Variants in CCSER1 observed in about 807,000 individuals in gnomAD.
CCSER1 encodes the protein coiled-coil serine rich protein 1, also known as serine-rich coiled-coil domain-containing protein 1.
A neutral mutation model predicts 82.0 loss-of-function variants in CCSER1; 41 were observed. The observed-to-expected ratio is 0.50, with a 90% confidence interval of 0.39 to 0.65. The LOEUF (loss-of-function observed/expected upper bound fraction) is 0.65. CCSER1 is among the 30% of genes least tolerant of loss of function. The pLI is 0.00. For synonymous variants in CCSER1, 414 were observed against 383.9 expected (o/e 1.08, Z -0.92); for missense variants, 1,119 against 1,064.2 (o/e 1.05, Z -0.72).
intron 6 of CCSER1, among the ~76,000 whole-genome samples, chr4:90,713,730 G>C (rs372364978): frequency 6.6e-6 from 1 of 151,800 alleles, no homozygotes; most frequent in East Asian, 1.9e-4. Context: ...TGATATCCTG[G>C]AGTATGTTTT....
chr4:91,416,351 AC>A (rs1355763956), intron 10 of CCSER1, among the ~76,000 whole-genome samples: 1 of 152,076 alleles, frequency 6.6e-6, no homozygotes, highest in East Asian at 1.9e-4. Context: ...GAAAAAAAAA[AC>A]TATTTTAAAA....
intron 1 of CCSER1, among the ~76,000 whole-genome samples, chr4:90,246,863 G>GT (rs985556746): frequency 6.6e-5 from 10 of 151,002 alleles, no homozygotes; most frequent in Admixed American, 2.6e-4. Flanking sequence ...TCACTATAGG[G>GT]TTTTTTTTTC....
chr4:90,958,891 T>C (rs1228101673), intron 9 of CCSER1, among the ~76,000 whole-genome samples: 1 of 152,184 alleles, frequency 6.6e-6, no homozygotes, highest in Non-Finnish European at 1.5e-5. Flanking sequence ...ACCATCCTTC[T>C]TCTGTCTCTA....
chr4:91,124,429 C>T (rs1195274690), intron 10 of CCSER1, among the ~76,000 whole-genome samples: 1 of 151,528 alleles, frequency 6.6e-6, no homozygotes, highest in Non-Finnish European at 1.5e-5. Flanking sequence ...TTATTTTTTT[C>T]CCAAAGTGTA....
intron 10 of CCSER1, among the ~76,000 whole-genome samples, chr4:91,403,660 T>C (rs1752488245): frequency 6.6e-6 from 1 of 152,056 alleles, no homozygotes; most frequent in African/African-American, 2.4e-5. Flanking sequence ...AATCATGTGG[T>C]TTTTGTCTTT....
intron 10 of CCSER1, among the ~76,000 whole-genome samples, chr4:91,289,275 A>G (rs927349819): frequency 1.3e-5 from 2 of 152,036 alleles, no homozygotes; most frequent in Non-Finnish European, 2.9e-5. Context: ...ATTAAAGTCT[A>G]TAATGTCCTA....
chr4:90,408,870 G>A (rs1754190819), intron 4 of CCSER1, among the ~76,000 whole-genome samples: 1 of 152,114 alleles, frequency 6.6e-6, no homozygotes, highest in African/African-American at 2.4e-5. Context: ...TGGCAAAGAA[G>A]TTAAAAACTG....
chr4:91,434,197 G>GTT (rs111695937), intron 10 of CCSER1, among the ~76,000 whole-genome samples: 2 of 148,488 alleles, frequency 1.3e-5, no homozygotes, highest in Admixed American at 6.8e-5. Flanking sequence ...CTTTTTGTTT[G>GTT]TTTTTTTTTT....
At chr4:91,381,722 T>C (rs1484059204) in intron 10 of CCSER1, among the ~76,000 whole-genome samples, 1 of 152,202 alleles carries the variant, frequency 6.6e-6, no homozygotes, top group Non-Finnish European at 1.5e-5. Flanking sequence ...TTTGATTGTC[T>C]GAAGCCTTCT....
At chr4:91,525,139 A>G (rs1047425204) in intron 10 of CCSER1, among the ~76,000 whole-genome samples, 3 of 152,122 alleles carry the variant, frequency 2.0e-5, no homozygotes, top group Non-Finnish European at 4.4e-5. Context: ...TTCCAGGTTT[A>G]AGATAGTTGA....
At chr4:90,468,500 A>G in intron 5 of CCSER1, 146 bp downstream of exon 5, 1 of 627,746 alleles carries the variant, frequency 1.6e-6, no homozygotes, top group Non-Finnish European at 2.5e-6. Context: ...ATTCTATATT[A>G]TCTTAATGAA....
chr4:90,753,555 C>T (rs1397352974), intron 7 of CCSER1, among the ~76,000 whole-genome samples: 1 of 152,006 alleles, frequency 6.6e-6, no homozygotes, highest in East Asian at 1.9e-4. Flanking sequence ...TAAATATATT[C>T]CAAATCTGTC....
rs1217600815 is a variant in CCSER1 at position 90,840,189 on chromosome 4, T to G, written c.2094+24344T>G. 5.3e-5 allele frequency among the ~76,000 whole-genome samples: 8 copies of G among 152,224 alleles called. No homozygotes were observed. In the South Asian group the frequency reaches 1.7e-3, roughly 32 times the overall value. On this transcript the variant is annotated intron_variant, in intron 8 of 10. Transcript: ENST00000509176. ...TAAATAAGAGAATCCTTTATTTTAG[T>G]AGAGAGAAAAATTTTAAATAGTTCT... is the stretch of plus-strand genomic sequence containing the variant.
chr4:90,142,659 T>G (rs1241295634), intron 1 of CCSER1, among the ~76,000 whole-genome samples: 1 of 152,088 alleles, frequency 6.6e-6, no homozygotes, highest in Non-Finnish European at 1.5e-5. Context: ...AAGCCACAAT[T>G]TTAGCTTTGA....
intron 3 of CCSER1, among the ~76,000 whole-genome samples, chr4:90,356,351 T>G (rs1488831286): frequency 2.0e-5 from 3 of 151,846 alleles, no homozygotes; most frequent in African/African-American, 7.2e-5. Context: ...TTGCAATATA[T>G]GTAGTTATTT....
At chr4:90,179,831 T>C (rs1322492304) in intron 1 of CCSER1, among the ~76,000 whole-genome samples, 1 of 151,722 alleles carries the variant, frequency 6.6e-6, no homozygotes, top group Non-Finnish European at 1.5e-5. Context: ...TTCTAGCTGG[T>C]GTAATTACAA....
At chr4:90,864,332 G>A (rs1765474485) in intron 8 of CCSER1, among the ~76,000 whole-genome samples, 1 of 151,922 alleles carries the variant, frequency 6.6e-6, no homozygotes, top group Non-Finnish European at 1.5e-5. Flanking sequence ...TTCATGTGTT[G>A]GAAACAACCT....
At chr4:91,574,734 G>A (rs562965479) in intron 10 of CCSER1, among the ~76,000 whole-genome samples, 2 of 152,054 alleles carry the variant, frequency 1.3e-5, no homozygotes, top group South Asian at 4.2e-4. Context: ...GGGACTACCA[G>A]GGACATTAGG....
At chr4:90,576,736 A>G (rs1481906129) in intron 5 of CCSER1, among the ~76,000 whole-genome samples, 1 of 152,166 alleles carries the variant, frequency 6.6e-6, no homozygotes, top group Non-Finnish European at 1.5e-5. Flanking sequence ...TTTATTGTCT[A>G]GATATACTAC....
Sources: allele counts gnomAD v4.1 joint callset (sites outside exome capture counted in the v4.1 genomes callset), GRCh38; gene constraint gnomAD v4.1.1; transcripts MANE v1.5; gene names NCBI Gene and HGNC (gene_info 2026-07-23, HGNC 2026-07-21).